THRB: variants seen among roughly 807,000 people sequenced by gnomAD.
THRB encodes the protein thyroid hormone receptor beta.
THRB carries 12 observed loss-of-function variants against 47.8 expected under a neutral mutation model. The observed-to-expected ratio is 0.25, with a 90% confidence interval of 0.16 to 0.41. The LOEUF (loss-of-function observed/expected upper bound fraction) is 0.41, where lower values mean the gene tolerates loss of function less well. Among genes scored for constraint, THRB ranks in the 10% least tolerant of loss-of-function variants. THRB has a pLI of 1.00. For synonymous variants in THRB, 218 were observed against 212.2 expected, an observed-to-expected ratio of 1.03 and a Z score of -0.24; for missense variants, 348 against 589.2, an observed-to-expected ratio of 0.59 and a Z score of 4.24.
intron 5 of THRB, among the ~76,000 whole-genome samples, chr3:24,168,349 G>C (rs2596626): frequency 0.74 from 111,832 of 151,856 alleles, 42,474 homozygotes; most frequent in African/African-American, 0.93. Context: ...GCTTCAGTGA[G>C]GTTGTTGTCT....
Position 24,122,430 on chromosome 3 carries a change from A to C in THRB, c.*454T>G, listed in dbSNP as rs826374. On this transcript the variant is annotated 3_prime_UTR_variant, in exon 11 of 11. Transcript: ENST00000646209. Reference sequence around the variant, plus strand: ...GAAAATTTGTTCGAGTCTTTCCCTAAAAGGCTGAAAGCCACATCTAACTAA... The same window carrying C: ...GAAAATTTGTTCGAGTCTTTCCCTACAAGGCTGAAAGCCACATCTAACTAA... The C allele has an allele frequency of 0.23, 50,003 of 219,520 alleles. 6,414 individuals are homozygous for C. Among genetic ancestry groups the C allele is most frequent in the East Asian group, 0.54 (5,098 of 9,476 alleles). 13.6% of individuals were successfully genotyped at this position (219,520 alleles called of 1,614,324 possible). A position where few individuals can be genotyped will look rare whatever the true frequency, so the allele number is the denominator to read the frequency against.
chr3:24,398,053 C>T (rs1423679140), intron 1 of THRB, among the ~76,000 whole-genome samples: 2 of 152,104 alleles, frequency 1.3e-5, no homozygotes, highest in African/African-American at 2.4e-5. Context: ...CTATCTTATA[C>T]TATAACTGCT....
intron 3 of THRB, among the ~76,000 whole-genome samples, chr3:24,290,255 A>G (rs957526715): frequency 2.6e-5 from 4 of 152,096 alleles, no homozygotes; most frequent in Admixed American, 6.5e-5. Flanking sequence ...TCTTTCAGGA[A>G]GTTTACTGGG....
chr3:24,225,401 A>T lies in THRB; in HGVS notation c.22+3537T>A, dbSNP rs139571344. Among the ~76,000 whole-genome samples, 520 of 152,350 alleles carry T rather than the reference A, an allele frequency of 3.4e-3. 1 individual carries two copies. Among genetic ancestry groups the T allele is most frequent in the African/African-American group, 0.011 (456 of 41,594 alleles). On this transcript the variant is annotated intron_variant, in intron 4 of 10. Coordinates refer to ENST00000646209, the MANE Select transcript of THRB (RefSeq NM_001354712.2). ...AACAAGCAAGTCACAAAGAAGTCCA[A>T]GTTAATAACTGAATGGGGAATACAT...
chr3:24,232,249 G>A (rs77467641), intron 3 of THRB, among the ~76,000 whole-genome samples: 10,724 of 152,290 alleles, frequency 0.07, 432 homozygotes, highest in Non-Finnish European at 0.087. Flanking sequence ...TGGTTATCGC[G>A]AGGCCTTGGT....
At chr3:24,402,496 TTCC>T (rs1423215503) in intron 1 of THRB, among the ~76,000 whole-genome samples, 1 of 39,618 alleles carries the variant, frequency 2.5e-5, no homozygotes, top group African/African-American at 9.3e-5. Flanking sequence ...CCCTTCTTTC[TTCC>T]TTTTTTTTTT....
At chr3:24,161,209 C>G (rs2038759905) in intron 5 of THRB, among the ~76,000 whole-genome samples, 1 of 152,180 alleles carries the variant, frequency 6.6e-6, no homozygotes, top group East Asian at 1.9e-4. Flanking sequence ...GTGGTGTTTT[C>G]TCTGAACAGC....
At chr3:24,130,071 GA>G (rs1319853576) in intron 9 of THRB, among the ~76,000 whole-genome samples, 1 of 152,206 alleles carries the variant, frequency 6.6e-6, no homozygotes, top group Non-Finnish European at 1.5e-5. Flanking sequence ...TTGGGTTTGA[GA>G]GAGAATATAA....
At chr3:24,408,655 A>G (rs1467589476) in intron 1 of THRB, among the ~76,000 whole-genome samples, 1 of 151,846 alleles carries the variant, frequency 6.6e-6, no homozygotes, top group Non-Finnish European at 1.5e-5. Context: ...GCATTAAGAA[A>G]TACAATCAGC....
Position 24,256,534 on chromosome 3 carries a change from G to A in THRB, c.-42-27533C>T, listed in dbSNP as rs560494799. On this transcript the variant is annotated intron_variant, in intron 3 of 10. Coordinates refer to ENST00000646209, the MANE Select transcript of THRB (RefSeq NM_001354712.2). ...AGGAAGATATATTAATAATAATAAT[G>A]ATAGTAATTTGTTTTTGAGAGAGGG... Among the ~76,000 whole-genome samples, 3 of 152,222 alleles carry A rather than the reference G, an allele frequency of 2.0e-5. No individual in the cohort carries two copies. In the South Asian group the frequency reaches 6.2e-4, roughly 32 times the overall value.
intron 1 of THRB, among the ~76,000 whole-genome samples, chr3:24,452,561 C>G (rs1011420358): frequency 3.3e-5 from 5 of 152,122 alleles, no homozygotes; most frequent in Admixed American, 3.3e-4. Flanking sequence ...GCCTACTAAT[C>G]TTCTGCTGAG....
intron 1 of THRB, among the ~76,000 whole-genome samples, chr3:24,467,270 A>G (rs1415796633): frequency 6.6e-6 from 1 of 152,236 alleles, no homozygotes. Flanking sequence ...TGCTACTTCC[A>G]TAGCATCTGC....
At chr3:24,292,424 A>G (rs112615924) in intron 3 of THRB, among the ~76,000 whole-genome samples, 221 of 152,294 alleles carry the variant, frequency 1.5e-3, no homozygotes, top group Non-Finnish European at 2.4e-3. Flanking sequence ...GGACACATCC[A>G]ATTCTAATAT....
At chr3:24,478,642 T>C (rs1279381810) in intron 1 of THRB, among the ~76,000 whole-genome samples, 1 of 152,070 alleles carries the variant, frequency 6.6e-6, no homozygotes, top group Non-Finnish European at 1.5e-5. Context: ...AGTACAAGTG[T>C]AGGACAATGA....
At chr3:24,377,105 T>C (rs2065349947) in intron 1 of THRB, among the ~76,000 whole-genome samples, 2 of 152,072 alleles carry the variant, frequency 1.3e-5, no homozygotes, top group African/African-American at 4.8e-5. Context: ...ACTTTGCTAA[T>C]TTATTTTTTA....
intron 2 of THRB, among the ~76,000 whole-genome samples, chr3:24,328,137 G>T (rs1009901466): frequency 6.6e-6 from 1 of 152,086 alleles, no homozygotes; most frequent in African/African-American, 2.4e-5. Flanking sequence ...ATGTTGGCGA[G>T]GCCATAGGGA....
chr3:24,205,459 T>C (rs1197942894), intron 4 of THRB, among the ~76,000 whole-genome samples: 1 of 152,162 alleles, frequency 6.6e-6, no homozygotes, highest in Non-Finnish European at 1.5e-5. Flanking sequence ...CTGAGAGATT[T>C]TGTCACCACC....
At chr3:24,323,474 C>T (rs2058616691) in intron 2 of THRB, among the ~76,000 whole-genome samples, 1 of 152,190 alleles carries the variant, frequency 6.6e-6, no homozygotes, top group South Asian at 2.1e-4. Flanking sequence ...ATAAAAATCA[C>T]CTGGGATCTT....
chr3:24,289,911 C>A (rs994495854), intron 3 of THRB, among the ~76,000 whole-genome samples: 1 of 152,124 alleles, frequency 6.6e-6, no homozygotes, highest in Non-Finnish European at 1.5e-5. Context: ...CTTATAGATT[C>A]CCCCATCCCC....
Sources: allele counts gnomAD v4.1 joint callset (sites outside exome capture counted in the v4.1 genomes callset), GRCh38; gene constraint gnomAD v4.1.1; transcripts MANE v1.5; gene names NCBI Gene and HGNC (gene_info 2026-07-23, HGNC 2026-07-21).